STK32B: variants seen among roughly 807,000 people sequenced by gnomAD.
STK32B encodes the protein serine/threonine-protein kinase 32B.
STK32B carries 43 observed loss-of-function variants against 52.6 expected under a neutral mutation model. That is an observed-to-expected ratio of 0.82 (90% CI 0.64 to 1.05). STK32B has a LOEUF of 1.05. STK32B is among the 50% of genes least tolerant of loss of function. The pLI, the probability that STK32B is intolerant of heterozygous loss-of-function variation, is 0.00. For synonymous variants in STK32B, 238 were observed against 204.3 expected (o/e 1.17, Z -1.41); for missense variants, 621 against 534.6 (o/e 1.16, Z -1.59).
chr4:5,068,963 A>G (rs575777881), intron 1 of STK32B, among the ~76,000 whole-genome samples: 1 of 152,292 alleles, frequency 6.6e-6, no homozygotes, highest in South Asian at 2.1e-4. Flanking sequence ...TTTCCAGTAT[A>G]TAGTATGTTA....
intron 3 of STK32B, among the ~76,000 whole-genome samples, chr4:5,316,010 T>C (rs895969728): frequency 6.7e-6 from 1 of 149,204 alleles, no homozygotes. Context: ...TGGCCGAGTA[T>C]TTTATTTTTT....
intron 4 of STK32B, among the ~76,000 whole-genome samples, chr4:5,349,091 A>G (rs9993003): frequency 0.34 from 51,677 of 151,916 alleles, 11,494 homozygotes; most frequent in African/African-American, 0.64. Flanking sequence ...CATGCCTGCT[A>G]CTCAGGAGCT....
At chr4:5,334,573 T>G (rs1334531040) in intron 4 of STK32B, among the ~76,000 whole-genome samples, 3 of 152,202 alleles carry the variant, frequency 2.0e-5, no homozygotes, top group Non-Finnish European at 4.4e-5. Context: ...AAGGGAATGC[T>G]TCCAGTTTTT....
chr4:5,260,470 C>T (rs1258046753), intron 3 of STK32B, among the ~76,000 whole-genome samples: 3 of 152,112 alleles, frequency 2.0e-5, no homozygotes, highest in African/African-American at 4.8e-5. Context: ...CCCCTCAGGA[C>T]GCAAAGGACC....
intron 11 of STK32B, among the ~76,000 whole-genome samples, chr4:5,468,706 G>A (rs564177703): frequency 5.3e-5 from 8 of 152,170 alleles, no homozygotes; most frequent in Non-Finnish European, 8.8e-5. Context: ...CCATGGGACT[G>A]CCCTCTAAGG....
At chr4:5,360,250 T>G (rs1488577513) in intron 4 of STK32B, among the ~76,000 whole-genome samples, 2 of 152,170 alleles carry the variant, frequency 1.3e-5, no homozygotes, top group Non-Finnish European at 2.9e-5. Flanking sequence ...TGCCACGTTC[T>G]GGGATGACAG....
intron 4 of STK32B, among the ~76,000 whole-genome samples, chr4:5,359,106 C>T (rs991661921): frequency 6.6e-6 from 1 of 152,138 alleles, no homozygotes; most frequent in Non-Finnish European, 1.5e-5. Context: ...TAAATGTGTG[C>T]TTTATCTTGT....
intron 3 of STK32B, among the ~76,000 whole-genome samples, chr4:5,205,882 G>C (rs1481103725): frequency 6.6e-6 from 1 of 152,080 alleles, no homozygotes; most frequent in African/African-American, 2.4e-5. Flanking sequence ...CAGGTTACTG[G>C]GACAAAAGGT....
chr4:5,178,340 C>T (rs1720088216), intron 3 of STK32B, among the ~76,000 whole-genome samples: 1 of 152,214 alleles, frequency 6.6e-6, no homozygotes, highest in African/African-American at 2.4e-5. Flanking sequence ...AGGTCACCAG[C>T]TTTCAAGACT....
chr4:5,470,266 T>A lies in STK32B; in HGVS notation c.1106+2196T>A, dbSNP rs935548375. On this transcript the variant is annotated intron_variant, in intron 11 of 11. Coordinates refer to ENST00000282908, the MANE Select transcript of STK32B (RefSeq NM_018401.3). The surrounding 1 kb of genome is among the most constrained non-coding windows in gnomAD (Gnocchi z 4.6). ...TGGGAATTGATGAGGGAAATGCAGT[T>A]GGCCTGTGGACACCCCTGAGATTTG... is the stretch of plus-strand genomic sequence containing the variant. Among the ~76,000 whole-genome samples, 2 of 152,204 alleles carry A rather than the reference T, an allele frequency of 1.3e-5. No individual in the cohort carries two copies. Among genetic ancestry groups the A allele is most frequent in the Non-Finnish European group, 2.9e-5 (2 of 68,044 alleles).
intron 1 of STK32B, among the ~76,000 whole-genome samples, chr4:5,109,297 T>C (rs911617554): frequency 6.6e-6 from 1 of 152,224 alleles, no homozygotes; most frequent in Non-Finnish European, 1.5e-5. Context: ...CATTCATTCA[T>C]TCATGTATTC....
intron 3 of STK32B, among the ~76,000 whole-genome samples, chr4:5,297,143 T>A (rs995928167): frequency 2.6e-5 from 4 of 152,204 alleles, no homozygotes; most frequent in African/African-American, 4.8e-5. Flanking sequence ...CGCAGAGATA[T>A]CCGCTATTAG....
chr4:5,297,061 T>G (rs1729248862), intron 3 of STK32B, among the ~76,000 whole-genome samples: 1 of 152,196 alleles, frequency 6.6e-6, no homozygotes. Flanking sequence ...GGATATGAAA[T>G]TCTGGGTAGA....
chr4:5,286,891 A>G (rs1728584268), intron 3 of STK32B, among the ~76,000 whole-genome samples: 1 of 142,634 alleles, frequency 7.0e-6, no homozygotes, highest in Admixed American at 7.5e-5. Flanking sequence ...TCTGCCTTCC[A>G]GTTTCAAGCG....
At chr4:5,031,722 G>A in the STK32B span, among the ~76,000 whole-genome samples, 2 of 152,184 alleles carry the variant, frequency 1.3e-5, no homozygotes, top group South Asian at 2.1e-4. Context: ...ACGTTACAGA[G>A]GCCCAAATGT....
chr4:5,126,564 A>T (rs1030990094), intron 1 of STK32B, among the ~76,000 whole-genome samples: 28 of 152,238 alleles, frequency 1.8e-4, no homozygotes, highest in Non-Finnish European at 5.9e-5. Context: ...GCACCTGTGT[A>T]TGTTGGAGTT....
chr4:5,092,589 A>G (rs1176932272), intron 1 of STK32B, among the ~76,000 whole-genome samples: 4 of 152,128 alleles, frequency 2.6e-5, no homozygotes, highest in Non-Finnish European at 4.4e-5. Context: ...TATAAAGACA[A>G]CAGGTTTAAT....
intron 11 of STK32B, among the ~76,000 whole-genome samples, chr4:5,490,362 C>A (rs1719615267): frequency 6.6e-6 from 1 of 152,068 alleles, no homozygotes; most frequent in Non-Finnish European, 1.5e-5. Flanking sequence ...CCACCTCAGC[C>A]TCCCAAAGTG....
chr4:5,464,075 G>A (rs1717240965), intron 9 of STK32B, among the ~76,000 whole-genome samples: 1 of 152,166 alleles, frequency 6.6e-6, no homozygotes, highest in African/African-American at 2.4e-5. Flanking sequence ...GCAAGAGCAG[G>A]TGTGTCACGT....
Sources: gnomAD v4.1 joint callset for allele counts (sites outside exome capture counted in the v4.1 genomes callset) on GRCh38, gnomAD v4.1.1 for gene constraint, Gnocchi (gnomAD v3.1) non-coding constraint, MANE v1.5 for transcripts, NCBI Gene and HGNC (gene_info 2026-07-23, HGNC 2026-07-21) for gene names.